The following SRR variants were observed in gnomAD, a reference collection of about 807,000 sequenced individuals.
SRR encodes the protein serine racemase, also known as D-serine ammonia-lyase.
SRR carries 19 observed loss-of-function variants against 32.7 expected under a neutral mutation model. That is an observed-to-expected ratio of 0.58 (90% CI 0.40 to 0.85). The LOEUF (loss-of-function observed/expected upper bound fraction) is 0.85, where lower values mean the gene tolerates loss of function less well. Among genes scored for constraint, SRR ranks in the 40% least tolerant of loss-of-function variants. SRR has a pLI of 0.00. For synonymous variants in SRR, 142 were observed against 140.9 expected (o/e 1.01, Z -0.06); for missense variants, 373 against 404.7 (o/e 0.92, Z 0.67).
At chr17:2,318,792 C>T in intron 3 of SRR, 34 bp from the exon 4 acceptor site, 1 of 1,536,310 alleles carries the variant, frequency 6.5e-7, no homozygotes, top group Non-Finnish European at 9.0e-7. Context: ...ATTCTAAATT[C>T]TCCTGACTTT....
In SRR at chr17:2,324,104, A is replaced by C. The variant is rs2151438557; in HGVS notation, c.*231A>C. On this transcript the variant is annotated 3_prime_UTR_variant, in exon 8 of 8. Transcript: ENST00000344595. ...AATGGGGCAGTGGACTGACAGGCTG[A>C]CATAGAAAATAAACTTTGCCCAATC... The C allele has an allele frequency of 6.9e-7, 1 of 1,459,656 alleles. No homozygotes were observed. The highest frequency in any genetic ancestry group is 1.4e-5 in the African/African-American group (1 of 70,722). The allele number at this position is 1,459,656 out of a possible 1,614,324, so 90.4% of individuals were successfully genotyped here. A position where few individuals can be genotyped will look rare whatever the true frequency, so the allele number is the denominator to read the frequency against.
Position 2,325,177 on chromosome 17 carries a change from A to C in SRR, c.*1304A>C. 1.4e-6 allele frequency: 1 copy of C among 721,592 alleles called. No individual in the cohort carries two copies. Among genetic ancestry groups the C allele is most frequent in the Admixed American group, 2.9e-5 (1 of 34,470 alleles). The allele number at this position is 721,592 out of a possible 1,614,324, so 44.7% of individuals were successfully genotyped here. A position where few individuals can be genotyped will look rare whatever the true frequency, so the allele number is the denominator to read the frequency against. ...TATTAACAATGTTAAATGAAGACTTACTGTATTTTGAAAACCATCATTACC... is the reference window on the plus strand; with the variant it reads ...TATTAACAATGTTAAATGAAGACTTCCTGTATTTTGAAAACCATCATTACC... On this transcript the variant is annotated 3_prime_UTR_variant, in exon 8 of 8. Transcript: ENST00000344595.
At chr17:2,304,049 C>T in intron 1 of SRR, 32 bp downstream of exon 1, 1 of 220,664 alleles carries the variant, frequency 4.5e-6, no homozygotes, top group Non-Finnish European at 8.8e-6. Flanking sequence ...CCAGGCCAGG[C>T]GGGCGTTTGC....
intron 6 of SRR, 60 bp downstream of exon 6, chr17:2,321,676 G>A: frequency 3.3e-6 from 5 of 1,494,832 alleles, no homozygotes; most frequent in Non-Finnish European, 4.7e-6. Context: ...CATCCTAAAT[G>A]TTCTGTATAC....
intron 1 of SRR, among the ~76,000 whole-genome samples, chr17:2,313,758 T>C (rs2075450427): frequency 6.6e-6 from 1 of 151,930 alleles, no homozygotes; most frequent in Admixed American, 6.6e-5. Context: ...AAAAAAATGT[T>C]GATAAATGTA....
chr17:2,318,619 ATTTTTTTTTTTTTTT>A (rs35847724), intron 3 of SRR, among the ~76,000 whole-genome samples, 192 bp from the exon 4 acceptor site: 2 of 92,550 alleles, frequency 2.2e-5, no homozygotes, highest in South Asian at 4.1e-4. Flanking sequence ...ATGCCTGGCT[ATTTTTTTTTTTTTTT>A]TTTTTTTTTG....
At chr17:2,316,001 T>C (rs1221508430) in intron 2 of SRR, among the ~76,000 whole-genome samples, 3 of 152,068 alleles carry the variant, frequency 2.0e-5, no homozygotes, top group African/African-American at 4.8e-5. Flanking sequence ...TGCATATATA[T>C]AATATATACA....
chr17:2,314,232 C>T (rs1048171327), intron 1 of SRR, among the ~76,000 whole-genome samples: 1 of 151,484 alleles, frequency 6.6e-6, no homozygotes, highest in African/African-American at 2.4e-5. Context: ...GGCGGATCAC[C>T]TGAGGTCGGG....
rs535045396 is a variant in SRR at position 2,321,581 on chromosome 17, G to A, written c.559G>A (p.Gly187Arg). ...TGCACTGGTGGTACCTGTAGGTGGA[G>A]GAGGAATGCTTGCTGGAATAGCAAT... ...VDALVVPVGG[G>R]GMLAGIAITV... The change falls in exon 6 of 8, where the codon GGA (glycine) becomes AGA (arginine). Residue 187 changes from glycine (G) to arginine (R), a missense_variant. Gly to Arg is a moderately radical substitution (Grantham distance 125, BLOSUM62 -2). Transcript: ENST00000344595. 1 of 1,614,110 alleles carries A rather than the reference G, an allele frequency of 6.2e-7. No individual in the cohort carries two copies. The highest frequency in any genetic ancestry group is 1.1e-5 in the South Asian group (1 of 91,082).
chr17:2,303,602 C>A, upstream of SRR: 1 of 1,411,702 alleles, frequency 7.1e-7, no homozygotes, highest in South Asian at 1.5e-5. Flanking sequence ...GGCGGGCAGG[C>A]CCGGCCCAGG....
At chr17:2,313,001 G>C (rs954963845) in intron 1 of SRR, among the ~76,000 whole-genome samples, 1 of 152,152 alleles carries the variant, frequency 6.6e-6, no homozygotes, top group African/African-American at 2.4e-5. Context: ...ATTCATAGAC[G>C]TGATAATAAC....
rs1227254894 is a variant in SRR, at chr17:2,323,794, G to A, written c.944G>A (p.Gly315Glu). 1 of 1,614,078 alleles carries A rather than the reference G, an allele frequency of 6.2e-7. No homozygotes were observed. Among genetic ancestry groups the A allele is most frequent in the East Asian group, 2.2e-5 (1 of 44,896 alleles). ...AACATTTGTATTGTGCTCAGTGGTG[G>A]AAATGTAGACTTAACCTCCTCCATA... ...VKNICIVLSG[G>E]NVDLTSSITW... is the part of the protein sequence containing the mutation. The change falls in exon 8 of 8, where the codon GGA becomes GAA. Residue 315 changes from glycine (G) to glutamate (E), a missense_variant. By Grantham distance (98) the Gly-to-Glu change is moderately conservative. Coordinates refer to ENST00000344595, the MANE Select transcript of SRR (RefSeq NM_021947.3).
intron 4 of SRR, among the ~76,000 whole-genome samples, chr17:2,321,099 T>C (rs147995069): frequency 3.2e-4 from 48 of 152,330 alleles, no homozygotes; most frequent in African/African-American, 1.2e-3. Context: ...CCATTGCACT[T>C]AGACATACCA....
chr17:2,309,892 G>T (rs565062569), intron 1 of SRR: 2 of 152,200 alleles, frequency 1.3e-5, no homozygotes, highest in South Asian at 4.2e-4. Flanking sequence ...GCCATAAAAT[G>T]TAAAACATAC....
In SRR at chr17:2,318,012, A is replaced by G; in HGVS notation, c.295+16A>G. On this transcript the variant is annotated intron_variant, in intron 3 of 7. Coordinates refer to ENST00000344595, the MANE Select transcript of SRR (RefSeq NM_021947.3). ...AAATTGGAAGGTACTTGATTTCTCA[A>G]GGTACTGGGTAGATCTTCAGAAAGG... 1 of 1,610,648 alleles carries G rather than the reference A, an allele frequency of 6.2e-7. No homozygotes were observed. The highest frequency in any genetic ancestry group is 8.5e-7 in the Non-Finnish European group (1 of 1,177,696).
intron 2 of SRR, among the ~76,000 whole-genome samples, chr17:2,316,280 A>G (rs1187821412): frequency 6.6e-6 from 1 of 152,298 alleles, no homozygotes; most frequent in East Asian, 1.9e-4. Flanking sequence ...AAATTGCCAA[A>G]TCATGCATTT....
intron 4 of SRR, among the ~76,000 whole-genome samples, chr17:2,319,821 CTTTT>C (rs397701831): frequency 3.0e-5 from 4 of 133,372 alleles, no homozygotes; most frequent in African/African-American, 1.1e-4. Flanking sequence ...CTTGTCTCTT[CTTTT>C]TTTTTTTTTT....
At chr17:2,318,057 T>C (rs1250229798) in intron 3 of SRR, 61 bp downstream of exon 3, 2 of 1,494,434 alleles carry the variant, frequency 1.3e-6, no homozygotes, top group Non-Finnish European at 1.8e-6. Context: ...GTGCCCTTAA[T>C]TTCAGTGAGA....
At chr17:2,303,796 C>T (rs912511603), upstream of SRR, 13 of 1,220,636 alleles carry the variant, frequency 1.1e-5, no homozygotes, top group African/African-American at 8.0e-5. Flanking sequence ...AGACGGGCGG[C>T]GCGCGCGCTC....
Sources: allele counts gnomAD v4.1 joint callset (sites outside exome capture counted in the v4.1 genomes callset), GRCh38; gene constraint gnomAD v4.1.1; transcripts MANE v1.5; gene names NCBI Gene and HGNC (gene_info 2026-07-23, HGNC 2026-07-21).